Variants in TMTC2 observed in about 807,000 individuals in gnomAD.
TMTC2 encodes protein O-mannosyl-transferase TMTC2.
A neutral mutation model predicts 82.4 loss-of-function variants in TMTC2; 43 were observed. That is an observed-to-expected ratio of 0.52 (90% CI 0.41 to 0.67). The LOEUF (loss-of-function observed/expected upper bound fraction) is 0.67, where lower values mean the gene tolerates loss of function less well. Among genes scored for constraint, TMTC2 ranks in the 30% least tolerant of loss-of-function variants. TMTC2 has a pLI of 0.00. For synonymous variants in TMTC2, 408 were observed against 381.9 expected (o/e 1.07, Z -0.80); for missense variants, 919 against 1,012.4 (o/e 0.91, Z 1.25).
At chr12:82,949,549 A>G (rs1348826669) in intron 4 of TMTC2, among the ~76,000 whole-genome samples, 2 of 152,194 alleles carry the variant, frequency 1.3e-5, no homozygotes, top group Non-Finnish European at 2.9e-5. Context: ...ACTTCAGAGC[A>G]TGTCTTTGGC....
chr12:83,040,679 C>CTTTTTTTTTTTTT (rs750327519), intron 9 of TMTC2, among the ~76,000 whole-genome samples: 2 of 124,204 alleles, frequency 1.6e-5, no homozygotes, highest in Non-Finnish European at 3.3e-5. Context: ...CTGTCCTTTT[C>CTTTTTTTTTTTTT]TTTTTTTTTT....
chr12:82,770,922 G>A (rs1179858492), intron 1 of TMTC2, among the ~76,000 whole-genome samples: 1 of 152,112 alleles, frequency 6.6e-6, no homozygotes, highest in Non-Finnish European at 1.5e-5. Context: ...ACAGTAAAGA[G>A]TTGTTGCGGG....
intron 11 of TMTC2, among the ~76,000 whole-genome samples, chr12:83,068,875 C>T (rs1443675829): frequency 3.9e-5 from 6 of 152,052 alleles, no homozygotes; most frequent in African/African-American, 1.4e-4. Context: ...CTCTTCCCCA[C>T]AAGTTCCCAA....
intron 1 of TMTC2, among the ~76,000 whole-genome samples, chr12:82,826,317 GT>G (rs1869418986): frequency 6.6e-6 from 1 of 152,074 alleles, no homozygotes; most frequent in African/African-American, 2.4e-5. Context: ...GCATACTGAT[GT>G]GTGGTGTTCC....
intron 4 of TMTC2, among the ~76,000 whole-genome samples, chr12:82,952,457 T>C (rs1877397844): frequency 6.6e-6 from 1 of 152,152 alleles, no homozygotes; most frequent in South Asian, 2.1e-4. Context: ...TTATTAAAAT[T>C]TCTCTATGAG....
intron 1 of TMTC2, among the ~76,000 whole-genome samples, chr12:82,745,932 A>G (rs1241970282): frequency 6.6e-6 from 1 of 152,132 alleles, no homozygotes; most frequent in African/African-American, 2.4e-5. Context: ...TGGCAGAACG[A>G]TTTGTTCTTT....
Position 82,937,750 on chromosome 12 carries a change from GTATA to G in TMTC2, c.1598+7248_1598+7251del, listed in dbSNP as rs1162321741. 3.9e-3 allele frequency among the ~76,000 whole-genome samples: 416 copies of G among 105,618 alleles called. 3 individuals are homozygous for G. The highest frequency in any genetic ancestry group is 7.4e-3 in the East Asian group (30 of 4,034). 69.3% of individuals were successfully genotyped at this position (105,618 alleles called of 152,430 possible). A position where few individuals can be genotyped will look rare whatever the true frequency, so the allele number is the denominator to read the frequency against. Reference sequence around the variant, plus strand: ...TGTGGATGTGTGTGTGTGTGTGTGTGTATATATATATATATATATATATATATAT... The same window carrying G: ...TGTGGATGTGTGTGTGTGTGTGTGTGTATATATATATATATATATATATAT... On this transcript the variant is annotated intron_variant, in intron 4 of 11. Transcript: ENST00000321196.
chr12:82,714,138 G>C (rs770602900), intron 1 of TMTC2, among the ~76,000 whole-genome samples: 5 of 152,172 alleles, frequency 3.3e-5, no homozygotes, highest in Non-Finnish European at 5.9e-5. Flanking sequence ...CTCAGAAAAG[G>C]CAAATCTGTA....
intron 11 of TMTC2, among the ~76,000 whole-genome samples, chr12:83,102,733 CTCTCT>C (rs1053775990): frequency 6.6e-6 from 1 of 152,132 alleles, no homozygotes; most frequent in Non-Finnish European, 1.5e-5. Context: ...GTGTCACTTC[CTCTCT>C]TCTCTTGAGT....
intron 8 of TMTC2, among the ~76,000 whole-genome samples, chr12:82,990,947 A>C (rs1879373442): frequency 6.6e-6 from 1 of 152,122 alleles, no homozygotes; most frequent in Admixed American, 6.5e-5. Flanking sequence ...GGGTGGCATG[A>C]TTATAGAGTG....
chr12:82,900,782 AGGAATATATATACCT>A (rs915158097), intron 3 of TMTC2, among the ~76,000 whole-genome samples: 1 of 131,120 alleles, frequency 7.6e-6, no homozygotes, highest in Admixed American at 8.2e-5. Flanking sequence ...GTATATATAT[AGGAATATATATACCT>A]GGAATATATA....
chr12:82,917,834 C>T (rs1188411083), intron 3 of TMTC2, among the ~76,000 whole-genome samples: 1 of 151,660 alleles, frequency 6.6e-6, no homozygotes, highest in African/African-American at 2.4e-5. Context: ...GATCTCCTGA[C>T]CTCGTGATCC....
At chr12:82,881,444 A>T (rs995122175) in intron 2 of TMTC2, among the ~76,000 whole-genome samples, 8 of 152,246 alleles carry the variant, frequency 5.3e-5, no homozygotes, top group African/African-American at 1.4e-4. Context: ...GAAATAAATT[A>T]GAGCGATTAC....
intron 11 of TMTC2, among the ~76,000 whole-genome samples, chr12:83,065,334 G>A (rs982330420): frequency 2.6e-5 from 4 of 151,674 alleles, no homozygotes; most frequent in Admixed American, 6.6e-5. Flanking sequence ...TTTTATATAT[G>A]AAGAATTCCA....
chr12:82,707,653 A>C (rs998602624), intron 1 of TMTC2, among the ~76,000 whole-genome samples: 41 of 152,166 alleles, frequency 2.7e-4, no homozygotes, highest in Non-Finnish European at 7.4e-5. Flanking sequence ...TGTCTAGGCC[A>C]AGGCCTTGTT....
chr12:83,084,519 A>G (rs1463385034), intron 11 of TMTC2, among the ~76,000 whole-genome samples: 1 of 152,224 alleles, frequency 6.6e-6, no homozygotes, highest in East Asian at 1.9e-4. Context: ...TTAAAAAAAG[A>G]TAATAATGAT....
At chr12:82,796,943 T>G (rs932609239) in intron 1 of TMTC2, among the ~76,000 whole-genome samples, 4 of 152,154 alleles carry the variant, frequency 2.6e-5, no homozygotes, top group African/African-American at 4.8e-5. Flanking sequence ...ATCTCATGAA[T>G]AGATATAATC....
chr12:82,919,898 G>A (rs572848836), intron 3 of TMTC2, among the ~76,000 whole-genome samples: 2 of 152,110 alleles, frequency 1.3e-5, no homozygotes, highest in Non-Finnish European at 2.9e-5. Flanking sequence ...GACTGGCATC[G>A]TACACTGGTA....
At chr12:82,911,949 T>C (rs1287551877) in intron 3 of TMTC2, among the ~76,000 whole-genome samples, 3 of 152,170 alleles carry the variant, frequency 2.0e-5, no homozygotes, top group Non-Finnish European at 4.4e-5. Flanking sequence ...GAAGGAAATT[T>C]AGAACAACAA....
Sources: allele counts gnomAD v4.1 joint callset (sites outside exome capture counted in the v4.1 genomes callset), GRCh38; gene constraint gnomAD v4.1.1; transcripts MANE v1.5; gene names NCBI Gene and HGNC (gene_info 2026-07-23, HGNC 2026-07-21).